Variants in PMPCB observed in about 807,000 individuals in gnomAD.
PMPCB encodes the protein mitochondrial-processing peptidase subunit beta.
In PMPCB, 46 loss-of-function variants were observed where a neutral mutation model predicts 61.5. The ratio of observed to expected loss-of-function variants is 0.75; its 90% CI spans 0.59 to 0.96. The LOEUF (loss-of-function observed/expected upper bound fraction) is 0.96. PMPCB is among the 40% of genes least tolerant of loss of function. The pLI is 0.00. For missense variants in PMPCB, 590 were observed against 602.4 expected, an observed-to-expected ratio of 0.98 and a Z score of 0.22; for synonymous variants, 191 against 201.6, an observed-to-expected ratio of 0.95 and a Z score of 0.44.
At chr7:103,332,938 C>G (rs1318472504), downstream of PMPCB, among the ~76,000 whole-genome samples, 3 of 152,174 alleles carry the variant, frequency 2.0e-5, no homozygotes, top group Non-Finnish European at 4.4e-5. Context: ...CTGTATTTCA[C>G]TACGTTTTGA....
At chr7:103,305,835 T>C (rs995821964) in intron 6 of PMPCB, among the ~76,000 whole-genome samples, 2 of 152,198 alleles carry the variant, frequency 1.3e-5, no homozygotes, top group Non-Finnish European at 2.9e-5. Flanking sequence ...AGACTTGGGC[T>C]TAAGTGTTTG....
At chr7:103,316,634 GTA>G, downstream of PMPCB, 1 of 578,016 alleles carries the variant, frequency 1.7e-6, no homozygotes, top group Admixed American at 3.2e-5. Flanking sequence ...TCTGTCATAT[GTA>G]TATGTGCATG....
the PMPCB span, chr7:103,341,936 A>G: frequency 6.9e-6 from 11 of 1,604,896 alleles, no homozygotes; most frequent in East Asian, 2.2e-5. Context: ...CACAGGTTCA[A>G]CTTGACAGAG....
At chr7:103,340,515 A>G in the PMPCB span, among the ~76,000 whole-genome samples, 1 of 152,352 alleles carries the variant, frequency 6.6e-6, no homozygotes. Flanking sequence ...AGTGCTTTAT[A>G]AGCATCCTTT....
At chr7:103,341,624 G>T in the PMPCB span, 1 of 650,880 alleles carries the variant, frequency 1.5e-6, no homozygotes, top group Non-Finnish European at 2.5e-6. Context: ...ATGCTCTCAA[G>T]ACTTAGTAAT....
Position 103,314,261 on chromosome 7 carries a change from G to A in PMPCB, c.*1990G>A. 2.0e-6 allele frequency: 2 copies of A among 985,382 alleles called. No individual in the cohort carries two copies. The highest frequency in any genetic ancestry group is 2.4e-6 in the Non-Finnish European group (2 of 829,932). 61.0% of individuals were successfully genotyped at this position (985,382 alleles called of 1,614,324 possible). A position where few individuals can be genotyped will look rare whatever the true frequency, so the allele number is the denominator to read the frequency against. ...TGGCAGTATTTCCTGCTGTTCTCCA[G>A]TTACTTCACAATACCAAAATAAATT... is the stretch of plus-strand genomic sequence containing the variant. On this transcript the variant is annotated 3_prime_UTR_variant, in exon 13 of 13. Coordinates refer to ENST00000249269, the MANE Select transcript of PMPCB (RefSeq NM_004279.3).
At chr7:103,325,579 A>G (rs1324851490) in intron 12 of PMPCB, among the ~76,000 whole-genome samples, 1 of 152,260 alleles carries the variant, frequency 6.6e-6, no homozygotes, top group Non-Finnish European at 1.5e-5. Context: ...GGGAGCCTTA[A>G]AAATCCCCAC....
rs1419569465 is a variant in PMPCB, at chr7:103,309,032, A to T, written c.930A>T (p.Thr310=). 6.2e-7 allele frequency: 1 copy of T among 1,609,288 alleles called. No individual in the cohort carries two copies. The highest frequency in any genetic ancestry group is 1.1e-5 in the South Asian group (1 of 90,558). ...VEAVGWAHPD[T]ICLMVANTLI... ...CTGTTGGTTGGGCACATCCAGATAC[A>T]ATCTGTCTCATGGTTGCAAACACGC... The change falls in exon 8 of 13, where the codon ACA becomes ACT. Residue 310 remains threonine (T), a synonymous_variant. Transcript: ENST00000249269.
chr7:103,331,103 C>T (rs1251908233), downstream of PMPCB, among the ~76,000 whole-genome samples: 2 of 151,714 alleles, frequency 1.3e-5, no homozygotes, highest in African/African-American at 4.8e-5. Flanking sequence ...ATTACAGGCA[C>T]CTGCCACCAC....
At chr7:103,318,522 CT>C (rs1195155176), downstream of PMPCB, among the ~76,000 whole-genome samples, 1 of 152,162 alleles carries the variant, frequency 6.6e-6, no homozygotes, top group Non-Finnish European at 1.5e-5. Context: ...TATCCTACAC[CT>C]CATTTACTAT....
chr7:103,312,094 A>G lies in PMPCB; in HGVS notation c.1368A>G (p.Lys456=). 1 of 1,614,050 alleles carries G rather than the reference A, an allele frequency of 6.2e-7. No homozygotes were observed. Among genetic ancestry groups the G allele is most frequent in the Non-Finnish European group, 8.5e-7 (1 of 1,179,964 alleles). Residue 456 remains lysine (K), a synonymous_variant, in exon 12 of 13, where the codon AAA becomes AAG. Transcript: ENST00000249269. ...NAETIREVCT[K]YIYNRSPAIA... ...AGACAATTCGAGAAGTATGTACCAA[A>G]TACATTTATAATAGGAGTCCAGCTA...
At chr7:103,334,501 T>C (rs1819090643), downstream of PMPCB, among the ~76,000 whole-genome samples, 1 of 151,312 alleles carries the variant, frequency 6.6e-6, no homozygotes, top group Non-Finnish European at 1.5e-5. Flanking sequence ...ACTTGAACCC[T>C]GGAGATGGAG....
chr7:103,318,778 T>C (rs1053052072), downstream of PMPCB, among the ~76,000 whole-genome samples: 1 of 152,212 alleles, frequency 6.6e-6, no homozygotes, highest in South Asian at 2.1e-4. Flanking sequence ...ATGAAAATAC[T>C]CAAGGAATAA....
In PMPCB at chr7:103,299,924, ATGTT is replaced by A. The variant is rs201324865; in HGVS notation, c.328-244_328-241del. 3.8e-3 allele frequency among the ~76,000 whole-genome samples: 576 copies of A among 151,954 alleles called. 4 individuals carry two copies. The highest frequency in any genetic ancestry group is 0.014 in the African/African-American group (566 of 41,456). Reference sequence around the variant, plus strand: ...GCTGGGAGTATCTATATATATATATATGTTTGTTTGTTTTTTCATAGAGATAGGG... The same window carrying A: ...GCTGGGAGTATCTATATATATATATATGTTTGTTTTTTCATAGAGATAGGG... On this transcript the variant is annotated intron_variant, in intron 3 of 12. Coordinates refer to ENST00000249269, the MANE Select transcript of PMPCB (RefSeq NM_004279.3).
chr7:103,311,137 G>A (rs1393603669), intron 9 of PMPCB: 1 of 153,078 alleles, frequency 6.5e-6, no homozygotes, highest in African/African-American at 2.4e-5. Context: ...AGAAAACAAA[G>A]TATATTGAGT....
At chr7:103,334,492 C>G (rs1007429078), downstream of PMPCB, among the ~76,000 whole-genome samples, 3 of 151,656 alleles carry the variant, frequency 2.0e-5, no homozygotes, top group Admixed American at 6.6e-5. Context: ...AGGAGAACCA[C>G]TTGAACCCTG....
At chr7:103,343,379 T>TG in the PMPCB span, among the ~76,000 whole-genome samples, 2 of 152,202 alleles carry the variant, frequency 1.3e-5, no homozygotes, top group Non-Finnish European at 2.9e-5. Context: ...GAATTTGTCC[T>TG]GAAAGCAATT....
intron 4 of PMPCB, among the ~76,000 whole-genome samples, chr7:103,300,792 C>G (rs1817429433): frequency 6.6e-6 from 1 of 152,108 alleles, no homozygotes; most frequent in Non-Finnish European, 1.5e-5. Context: ...TCAAGTGATT[C>G]TCCTGCCTCA....
At chr7:103,341,824 A>G in the PMPCB span, 4 of 1,610,846 alleles carry the variant, frequency 2.5e-6, no homozygotes, top group South Asian at 2.2e-5. Context: ...GCAATTCTTC[A>G]TCTTCTGATT....
Sources: gnomAD v4.1 joint callset for allele counts (sites outside exome capture counted in the v4.1 genomes callset) on GRCh38, gnomAD v4.1.1 for gene constraint, MANE v1.5 for transcripts, NCBI Gene and HGNC (gene_info 2026-07-23, HGNC 2026-07-21) for gene names.